Variants in STK3 observed in about 807,000 individuals in gnomAD.
STK3 encodes the protein serine/threonine kinase 3.
In STK3, 41 loss-of-function variants were observed where a neutral mutation model predicts 58.0. That is an observed-to-expected ratio of 0.71 (90% CI 0.55 to 0.92). The LOEUF (loss-of-function observed/expected upper bound fraction) is 0.92. Ranked by LOEUF, STK3 falls within the 40% of genes least tolerant of loss-of-function variation. The probability of loss-of-function intolerance (pLI) is 0.00; values close to 1 mark genes in which losing one functional copy is unlikely to be tolerated. For synonymous variants in STK3, 170 were observed against 191.0 expected, an observed-to-expected ratio of 0.89 and a Z score of 0.91; for missense variants, 479 against 602.7, an observed-to-expected ratio of 0.79 and a Z score of 2.15.
chr8:98,351,986 C>T, the STK3 span, among the ~76,000 whole-genome samples: 27 of 152,026 alleles, frequency 1.8e-4, no homozygotes, highest in African/African-American at 5.1e-4. Context: ...GGTTAAACCC[C>T]GTCTCTACTA....
At chr8:98,877,417 A>G (rs1837593777) in intron 3 of STK3, among the ~76,000 whole-genome samples, 1 of 152,188 alleles carries the variant, frequency 6.6e-6, no homozygotes, top group African/African-American at 2.4e-5. Flanking sequence ...TCCTAGGCTC[A>G]CTTAAAAAAA....
At chr8:98,549,115 G>A (rs1810958963) in intron 8 of STK3, among the ~76,000 whole-genome samples, 1 of 152,066 alleles carries the variant, frequency 6.6e-6, no homozygotes, top group Non-Finnish European at 1.5e-5. Context: ...GTTTGGTTGG[G>A]TATCTACCTA....
chr8:98,777,496 T>C (rs1831777522), intron 1 of STK3, among the ~76,000 whole-genome samples: 1 of 152,020 alleles, frequency 6.6e-6, no homozygotes. Context: ...GGTGGCAGAG[T>C]TAGACCCTAT....
chr8:98,881,878 G>C (rs1837806462), downstream of STK3: 1 of 152,018 alleles, frequency 6.6e-6, no homozygotes, highest in Admixed American at 6.6e-5. Flanking sequence ...ATGAGAATTA[G>C]GCCAAAGAGG....
In STK3 at chr8:98,744,368, T is replaced by C. The variant is rs566626681; in HGVS notation, c.351+4908A>G. ...AATGATAGACTGGATTAAGAAAATG[T>C]GGCACATATATACCATGGAATACTA... On this transcript the variant is annotated intron_variant, in intron 4 of 10. Transcript: ENST00000419617. Among the ~76,000 whole-genome samples, 1,020 of 152,060 alleles carry C rather than the reference T, an allele frequency of 6.7e-3. 8 individuals carry two copies. The highest frequency in any genetic ancestry group is 0.023 in the African/African-American group (956 of 41,456).
At chr8:98,790,194 A>C (rs1364943541) in intron 1 of STK3, among the ~76,000 whole-genome samples, 1 of 152,202 alleles carries the variant, frequency 6.6e-6, no homozygotes, top group Admixed American at 6.5e-5. Context: ...TATCACCCTA[A>C]TACCAAAACC....
intron 10 of STK3, among the ~76,000 whole-genome samples, chr8:98,479,504 G>C (rs1038383764): frequency 3.5e-5 from 1 of 28,208 alleles, no homozygotes. Context: ...GGGGGGGGGC[G>C]GGAAAGGTGA....
At chr8:98,835,253 C>T (rs1416256139) in intron 3 of STK3, among the ~76,000 whole-genome samples, 1 of 152,154 alleles carries the variant, frequency 6.6e-6, no homozygotes, top group Non-Finnish European at 1.5e-5. Flanking sequence ...TTCTTCTCAA[C>T]TCTAGATTGA....
At chr8:98,480,180 A>C (rs1025060751) in intron 10 of STK3, among the ~76,000 whole-genome samples, 8 of 152,158 alleles carry the variant, frequency 5.3e-5, no homozygotes, top group Non-Finnish European at 8.8e-5. Flanking sequence ...GGCAAGAGAT[A>C]AATTTATAAA....
At chr8:98,856,226 G>A (rs1836673504) in intron 3 of STK3, among the ~76,000 whole-genome samples, 1 of 150,290 alleles carries the variant, frequency 6.7e-6, no homozygotes, top group African/African-American at 2.4e-5. Context: ...TACTCAGGAG[G>A]CTGAGGTCTC....
the STK3 span, among the ~76,000 whole-genome samples, chr8:98,364,593 T>C: frequency 6.6e-6 from 1 of 152,258 alleles, no homozygotes; most frequent in Admixed American, 6.5e-5. Flanking sequence ...AACGCAATTA[T>C]GTGGCTATCA....
At chr8:98,646,115 G>T (rs1820378970) in intron 6 of STK3, among the ~76,000 whole-genome samples, 1 of 152,226 alleles carries the variant, frequency 6.6e-6, no homozygotes, top group African/African-American at 2.4e-5. Context: ...CCAGCCAGCT[G>T]GACATCAGTC....
At chr8:98,786,645 A>G (rs139729216) in intron 1 of STK3, among the ~76,000 whole-genome samples, 360 of 152,322 alleles carry the variant, frequency 2.4e-3, no homozygotes, top group Non-Finnish European at 2.1e-3. Flanking sequence ...GGATTATGTA[A>G]AGCGATCAAA....
intron 6 of STK3, among the ~76,000 whole-genome samples, chr8:98,700,356 C>T (rs375584003): frequency 1.1e-4 from 16 of 152,310 alleles, no homozygotes; most frequent in East Asian, 7.7e-4. Flanking sequence ...GGCTCGCGCA[C>T]GGTGCACTGC....
rs552340957 is a variant in STK3 at position 98,821,075 on chromosome 8, C to T, written c.26+4440G>A. On this transcript the variant is annotated intron_variant, in intron 1 of 10. Transcript: ENST00000419617. Reference sequence around the variant, plus strand: ...AATAAAGGAGTCCCCAACTCCTTTACAGCACAATACAGTGGACCAGTACTG... The same window carrying T: ...AATAAAGGAGTCCCCAACTCCTTTATAGCACAATACAGTGGACCAGTACTG... Among the ~76,000 whole-genome samples, 6 of 152,280 alleles carry T rather than the reference C, an allele frequency of 3.9e-5. No homozygotes were observed. The South Asian group carries it at 1.0e-3, about 26-fold the overall frequency.
At chr8:98,483,965 T>C (rs1309342727) in intron 10 of STK3, among the ~76,000 whole-genome samples, 1 of 152,186 alleles carries the variant, frequency 6.6e-6, no homozygotes, top group East Asian at 1.9e-4. Context: ...GTGCCACCTC[T>C]GTTCAGTGAA....
intron 7 of STK3, among the ~76,000 whole-genome samples, chr8:98,589,576 G>T (rs1262319872): frequency 6.6e-6 from 1 of 152,256 alleles, no homozygotes; most frequent in African/African-American, 2.4e-5. Context: ...GCCCCCAGAG[G>T]TGGAGCCTAC....
chr8:98,385,494 C>T (rs1817781330), intron 1 of STK3, among the ~76,000 whole-genome samples: 1 of 152,098 alleles, frequency 6.6e-6, no homozygotes, highest in Non-Finnish European at 1.5e-5. Flanking sequence ...AAGAAAGACC[C>T]CGGATGAAAG....
chr8:98,503,955 C>A (rs1823836813), intron 10 of STK3, among the ~76,000 whole-genome samples: 1 of 152,046 alleles, frequency 6.6e-6, no homozygotes, highest in African/African-American at 2.4e-5. Context: ...CCTGGATATC[C>A]TGTCTTGTTG....
Sources: allele counts gnomAD v4.1 joint callset (sites outside exome capture counted in the v4.1 genomes callset), GRCh38; gene constraint gnomAD v4.1.1; transcripts MANE v1.5; gene names NCBI Gene and HGNC (gene_info 2026-07-23, HGNC 2026-07-21).